C19orf44: variants seen among roughly 807,000 people sequenced by gnomAD.
The protein encoded by C19orf44 is chromosome 19 open reading frame 44, also known as uncharacterized protein C19orf44.
In C19orf44, 43 loss-of-function variants were observed where a neutral mutation model predicts 50.7. The observed-to-expected ratio is 0.85, with a 90% confidence interval of 0.66 to 1.09. C19orf44 has a LOEUF of 1.09. Among genes scored for constraint, C19orf44 ranks in the 50% least tolerant of loss-of-function variants. The probability of loss-of-function intolerance (pLI) is 0.00; values close to 1 mark genes in which losing one functional copy is unlikely to be tolerated. For missense variants in C19orf44, 722 were observed against 836.2 expected, an observed-to-expected ratio of 0.86 and a Z score of 1.68; for synonymous variants, 298 against 334.7, an observed-to-expected ratio of 0.89 and a Z score of 1.20.
chr19:16,518,892 T>G, intron 8 of C19orf44: 1 of 501,020 alleles, frequency 2.0e-6, no homozygotes, highest in South Asian at 2.5e-5. Context: ...CTTGTGTTTT[T>G]TGCTTCGCTA....
At chr19:16,517,646 G>A (rs1599742139) in intron 8 of C19orf44, among the ~76,000 whole-genome samples, 2 of 151,706 alleles carry the variant, frequency 1.3e-5, no homozygotes, top group South Asian at 2.1e-4. Flanking sequence ...GCAGGACAGG[G>A]GCCACCAGCC....
chr19:16,507,182 C>T (rs55982756), intron 4 of C19orf44, among the ~76,000 whole-genome samples: 5 of 152,266 alleles, frequency 3.3e-5, no homozygotes, highest in Non-Finnish European at 7.4e-5. Flanking sequence ...CCCCAGCTGC[C>T]AAGAATGTTG....
At chr19:16,496,585 C>G (rs913237223) in intron 1 of C19orf44, 120 bp downstream of exon 1, 7 of 241,232 alleles carry the variant, frequency 2.9e-5, no homozygotes, top group Admixed American at 5.2e-5. Flanking sequence ...GGTCCCGCGC[C>G]TCAGTTTCCC....
chr19:16,515,589 G>T (rs765059206), intron 7 of C19orf44, among the ~76,000 whole-genome samples: 1 of 151,914 alleles, frequency 6.6e-6, no homozygotes, highest in Non-Finnish European at 1.5e-5. Flanking sequence ...GAATGCAGTG[G>T]TGTGATCTCA....
Position 16,501,288 on chromosome 19 carries a change from C to G in C19orf44, c.496C>G (p.Gln166Glu), listed in dbSNP as rs1276689220. The G allele has an allele frequency of 1.9e-6, 3 of 1,614,026 alleles. No individual in the cohort carries two copies. Among genetic ancestry groups the G allele is most frequent in the Non-Finnish European group, 2.5e-6 (3 of 1,180,044 alleles). ...ACTTCCTGTCACCGAAAATAATGCACAGAACGCGAAGGTCAGTAGGTTTCT... is the reference window on the plus strand; with the variant it reads ...ACTTCCTGTCACCGAAAATAATGCAGAGAACGCGAAGGTCAGTAGGTTTCT... ...RELPVTENNA[Q>E]NAKVSRFLKK... The change falls in exon 2 of 9, where the codon CAG becomes GAG. Residue 166 changes from glutamine (Q) to glutamate (E), a missense_variant. By Grantham distance (29) the Gln-to-Glu change is conservative. Coordinates refer to ENST00000221671, the MANE Select transcript of C19orf44 (RefSeq NM_032207.4).
Position 16,520,596 on chromosome 19 carries a change from T to C in C19orf44, c.*543T>C. The C allele has an allele frequency of 7.0e-7, 1 of 1,438,306 alleles. No homozygotes were observed. 89.1% of individuals were successfully genotyped at this position (1,438,306 alleles called of 1,614,324 possible). A position where few individuals can be genotyped will look rare whatever the true frequency, so the allele number is the denominator to read the frequency against. On this transcript the variant is annotated 3_prime_UTR_variant, in exon 9 of 9. Coordinates refer to ENST00000221671, the MANE Select transcript of C19orf44 (RefSeq NM_032207.4). The surrounding 1 kb of genome is among the most constrained non-coding windows in gnomAD (Gnocchi z 4.0). ...CCTCAGGTTCCTAGACCACCCCAGATGCAGGGGCTCTGGCTGTGGATGTGG... is the reference window on the plus strand; with the variant it reads ...CCTCAGGTTCCTAGACCACCCCAGACGCAGGGGCTCTGGCTGTGGATGTGG...
chr19:16,514,394 A>G (rs1195078509), intron 6 of C19orf44, 103 bp from the exon 7 acceptor site: 10 of 1,270,266 alleles, frequency 7.9e-6, no homozygotes, highest in Non-Finnish European at 8.5e-6. Context: ...CAGAAAAAAA[A>G]AAAAAGATTT....
At chr19:16,498,661 C>G (rs1321155232) in intron 1 of C19orf44, among the ~76,000 whole-genome samples, 2 of 151,748 alleles carry the variant, frequency 1.3e-5, no homozygotes, top group African/African-American at 4.8e-5. Flanking sequence ...AGTAGTAGCT[C>G]CTCATGGTTT....
At chr19:16,509,452 A>G (rs776525596) in intron 4 of C19orf44, 47 bp from the exon 5 acceptor site, 2 of 1,523,408 alleles carry the variant, frequency 1.3e-6, no homozygotes, top group South Asian at 1.3e-5. Flanking sequence ...TAGCATGTTG[A>G]TATTTCCAAA....
intron 3 of C19orf44, among the ~76,000 whole-genome samples, chr19:16,505,578 T>C (rs1291898508): frequency 6.6e-6 from 1 of 152,222 alleles, no homozygotes; most frequent in Non-Finnish European, 1.5e-5. Flanking sequence ...ACATTGTCTA[T>C]GGCTGCTTTC....
At chr19:16,517,169 C>A (rs764082487) in intron 7 of C19orf44, 61 bp from the exon 8 acceptor site, 3 of 1,496,060 alleles carry the variant, frequency 2.0e-6, no homozygotes, top group Non-Finnish European at 2.8e-6. Context: ...CCTCCAGCAC[C>A]CTGTCTCAGA....
At chr19:16,517,100 G>C in intron 7 of C19orf44, 130 bp from the exon 8 acceptor site, 1 of 819,358 alleles carries the variant, frequency 1.2e-6, no homozygotes, top group Non-Finnish European at 2.0e-6. Context: ...ACATCCTGTG[G>C]TTTTACACTT....
intron 4 of C19orf44, among the ~76,000 whole-genome samples, chr19:16,507,680 C>CG (rs1386542897): frequency 6.6e-6 from 1 of 151,242 alleles, no homozygotes; most frequent in African/African-American, 2.4e-5. Flanking sequence ...TTAGTAGAGA[C>CG]GGGGTTTCAC....
chr19:16,508,363 A>G (rs1471551139), intron 4 of C19orf44, among the ~76,000 whole-genome samples: 1 of 152,070 alleles, frequency 6.6e-6, no homozygotes, highest in East Asian at 1.9e-4. Context: ...TTGGCCTCTC[A>G]AAGTGCTGGG....
In C19orf44 at chr19:16,509,674, C is replaced by CT. The variant is rs1483724261; in HGVS notation, c.1326dup (p.Ala443CysfsTer15). ...GAGCATCTCAGTGCCAGCTCGGCTT[C>CT]TGCCATCCAGCAGGACAGCACTTCC... On this transcript the variant is annotated frameshift_variant, in exon 5 of 9. Coordinates refer to ENST00000221671, the MANE Select transcript of C19orf44 (RefSeq NM_032207.4). LOFTEE classifies it high-confidence loss of function. The CT allele has an allele frequency of 2.5e-6, 4 of 1,614,122 alleles. No homozygotes were observed. The African/African-American group carries it at 5.3e-5, about 22-fold the overall frequency.
At chr19:16,510,232 C>T (rs138808172) in intron 5 of C19orf44, 10 of 488,034 alleles carry the variant, frequency 2.0e-5, no homozygotes, top group African/African-American at 1.6e-4. Flanking sequence ...CACAGGGAAC[C>T]CTCATCTCTA....
chr19:16,510,116 G>A (rs1479607269), intron 5 of C19orf44, 128 bp downstream of exon 5: 1 of 1,460,250 alleles, frequency 6.8e-7, no homozygotes, highest in South Asian at 1.2e-5. Context: ...TTAATCACCT[G>A]GAGGGGTTGG....
chr19:16,510,223 A>C, intron 5 of C19orf44: 1 of 518,186 alleles, frequency 1.9e-6, no homozygotes, highest in South Asian at 2.0e-5. Flanking sequence ...TCTGGCCAAC[A>C]CAGGGAACCC....
Position 16,520,421 on chromosome 19 carries a change from G to A in C19orf44, c.*368G>A, listed in dbSNP as rs918432112. 6.2e-6 allele frequency: 10 copies of A among 1,614,002 alleles called. No homozygotes were observed. Among genetic ancestry groups the A allele is most frequent in the South Asian group, 2.2e-5 (2 of 91,090 alleles). On this transcript the variant is annotated 3_prime_UTR_variant, in exon 9 of 9. Transcript: ENST00000221671. The surrounding 1 kb of genome is among the most constrained non-coding windows in gnomAD (Gnocchi z 4.0). Reference sequence around the variant, plus strand: ...GGAGCGCGACCTTGACCTTGAGTACGAGCCTGAAGACTTGGAGGATCTTGA... The same window carrying A: ...GGAGCGCGACCTTGACCTTGAGTACAAGCCTGAAGACTTGGAGGATCTTGA...
Sources: allele counts gnomAD v4.1 joint callset (sites outside exome capture counted in the v4.1 genomes callset), GRCh38; gene constraint gnomAD v4.1.1; non-coding constraint Gnocchi (gnomAD v3.1); transcripts MANE v1.5; gene names NCBI Gene and HGNC (gene_info 2026-07-23, HGNC 2026-07-21).